The following BMPR1A variants were observed in gnomAD, a reference collection of about 807,000 sequenced individuals.
BMPR1A encodes the protein bone morphogenetic protein receptor type-1A.
BMPR1A carries 7 observed loss-of-function variants against 66.0 expected under a neutral mutation model. The observed-to-expected ratio is 0.11, with a 90% CI of 0.06 to 0.20. The LOEUF (loss-of-function observed/expected upper bound fraction) is 0.20, where lower values mean the gene tolerates loss of function less well. BMPR1A is among the 10% of genes least tolerant of loss of function. The pLI, the probability that BMPR1A is intolerant of heterozygous loss-of-function variation, is 1.00. For synonymous variants in BMPR1A, 200 were observed against 229.7 expected (o/e 0.87, Z 1.17); for missense variants, 408 against 669.1 (o/e 0.61, Z 4.31).
At chr10:86,897,030 G>A (rs1843233133) in intron 5 of BMPR1A, among the ~76,000 whole-genome samples, 3 of 152,164 alleles carry the variant, frequency 2.0e-5, no homozygotes, top group Admixed American at 6.5e-5. Flanking sequence ...CAGGCCTCGC[G>A]TTCTTCCACT....
intron 8 of BMPR1A, among the ~76,000 whole-genome samples, chr10:86,916,025 G>C (rs573996050): frequency 8.7e-4 from 133 of 152,316 alleles, no homozygotes; most frequent in Non-Finnish European, 1.5e-3. Context: ...TTATGATTGT[G>C]TTAAGCGCAG....
chr10:86,873,146 A>G (rs1171295268), intron 2 of BMPR1A, among the ~76,000 whole-genome samples: 1 of 152,196 alleles, frequency 6.6e-6, no homozygotes, highest in East Asian at 1.9e-4. Flanking sequence ...TTAGCTTTAA[A>G]TAAACCAATG....
chr10:86,915,025 G>T (rs1163437359), intron 8 of BMPR1A, among the ~76,000 whole-genome samples: 1 of 152,192 alleles, frequency 6.6e-6, no homozygotes, highest in Non-Finnish European at 1.5e-5. Flanking sequence ...TTACTCATCA[G>T]TAAAAAGGAA....
At chr10:86,932,278 ATT>A (rs1843819047), downstream of BMPR1A, 2 of 152,248 alleles carry the variant, frequency 1.3e-5, no homozygotes, top group Non-Finnish European at 2.9e-5. Flanking sequence ...ATTATGTACA[ATT>A]ATCAGAACCA....
intron 1 of BMPR1A, among the ~76,000 whole-genome samples, chr10:86,768,888 G>T (rs372021683): frequency 1.8e-4 from 28 of 151,382 alleles, no homozygotes; most frequent in African/African-American, 6.6e-4. Context: ...CTACTGTGAG[G>T]ACTAAATGAA....
Position 86,925,719 on chromosome 10 carries a change from A to ATATTTTTTT in BMPR1A, c.*2001_*2002insATTTTTTTT. On this transcript the variant is annotated 3_prime_UTR_variant, in exon 13 of 13. Transcript: ENST00000372037. ...ACCATAATCTTTAAAATCATTTGTC[A>ATATTTTTTT]TCTTTTTTTTTTTTTTTTTGAGACG... The ATATTTTTTT allele has an allele frequency of 8.1e-6, 1 of 123,288 alleles. No individual in the cohort carries two copies. Among genetic ancestry groups the ATATTTTTTT allele is most frequent in the East Asian group, 2.2e-4 (1 of 4,476 alleles). 7.6% of individuals were successfully genotyped at this position (123,288 alleles called of 1,614,324 possible).
intron 1 of BMPR1A, among the ~76,000 whole-genome samples, chr10:86,806,720 T>A (rs1280871277): frequency 6.7e-6 from 1 of 148,966 alleles, no homozygotes; most frequent in Non-Finnish European, 1.5e-5. Context: ...CCTGACGAAA[T>A]TTTTTTTTTT....
chr10:86,805,450 A>G (rs1463955958), intron 1 of BMPR1A, among the ~76,000 whole-genome samples: 1 of 125,542 alleles, frequency 8.0e-6, no homozygotes, highest in Non-Finnish European at 1.7e-5. Flanking sequence ...TACCCTTACT[A>G]TTTCAGTTTC....
At chr10:86,791,846 C>T (rs1841629711) in intron 1 of BMPR1A, among the ~76,000 whole-genome samples, 3 of 148,780 alleles carry the variant, frequency 2.0e-5, no homozygotes, top group South Asian at 2.2e-4. Flanking sequence ...TCAGCCTTCC[C>T]GAGTAGCTGG....
intron 8 of BMPR1A, among the ~76,000 whole-genome samples, chr10:86,913,019 T>C (rs769667676): frequency 5.9e-5 from 9 of 152,202 alleles, no homozygotes; most frequent in Non-Finnish European, 8.8e-5. Flanking sequence ...GGAACTCTTA[T>C]TTGAGAGGAC....
chr10:86,866,599 A>T (rs1162673741), intron 2 of BMPR1A, among the ~76,000 whole-genome samples: 1 of 151,152 alleles, frequency 6.6e-6, no homozygotes, highest in African/African-American at 2.4e-5. Flanking sequence ...TAGTAGAGAC[A>T]GGGTTTTACT....
At chr10:86,826,207 G>C (rs1842191781) in intron 1 of BMPR1A, among the ~76,000 whole-genome samples, 1 of 151,936 alleles carries the variant, frequency 6.6e-6, no homozygotes, top group African/African-American at 2.4e-5. Flanking sequence ...TCTTCCTGAA[G>C]AGTTACATTA....
At chr10:86,867,408 T>C (rs1401957369) in intron 2 of BMPR1A, among the ~76,000 whole-genome samples, 1 of 152,226 alleles carries the variant, frequency 6.6e-6, no homozygotes, top group Non-Finnish European at 1.5e-5. Flanking sequence ...CCCTCTCCCT[T>C]TCCAGACAGT....
At chr10:86,784,763 A>G (rs921677696) in intron 1 of BMPR1A, among the ~76,000 whole-genome samples, 16 of 151,896 alleles carry the variant, frequency 1.1e-4, no homozygotes, top group African/African-American at 3.6e-4. Flanking sequence ...TAATTCATCC[A>G]TTTCTTCTAG....
intron 1 of BMPR1A, among the ~76,000 whole-genome samples, chr10:86,781,990 C>T (rs890918497): frequency 6.6e-6 from 1 of 151,432 alleles, no homozygotes; most frequent in African/African-American, 2.4e-5. Flanking sequence ...CCTCAGCCTC[C>T]TAAGTAGCTG....
At chr10:86,767,461 T>C (rs1841184692) in intron 1 of BMPR1A, among the ~76,000 whole-genome samples, 1 of 152,152 alleles carries the variant, frequency 6.6e-6, no homozygotes, top group Non-Finnish European at 1.5e-5. Flanking sequence ...GGAGGATCAC[T>C]TGAGCCTAGG....
At chr10:86,919,067 A>G in intron 9 of BMPR1A, 105 bp from the exon 10 acceptor site, 2 of 1,280,434 alleles carry the variant, frequency 1.6e-6, no homozygotes, top group Non-Finnish European at 2.3e-6. Context: ...AAGTTTCACT[A>G]TCTGCACATG....
At position 86,900,101 on chromosome 10, in the gene BMPR1A, A is replaced by G. The variant is rs878854668; in HGVS notation, c.505A>G (p.Ile169Val). 2 of 1,613,920 alleles carry G rather than the reference A, an allele frequency of 1.2e-6. No individual in the cohort carries two copies. The highest frequency in any genetic ancestry group is 1.7e-5 in the Admixed American group (1 of 60,022). The stretch of plus-strand genomic sequence containing the variant: ...GGCTGTCTGCATAATTGCTATGATC[A>G]TCTTCTCCAGCTGCTTTTGTTACAA... ...SMAVCIIAMIIFSSCFCYKHY... is the reference protein window; with the variant it reads ...SMAVCIIAMIVFSSCFCYKHY... Residue 169 changes from isoleucine to valine, a missense_variant, in exon 7 of 13, where the codon ATC becomes GTC. Physicochemically the swap from Ile to Val is conservative, Grantham distance 29 (BLOSUM62 3). Transcript: ENST00000372037.
chr10:86,841,798 G>A (rs893033676), intron 2 of BMPR1A, among the ~76,000 whole-genome samples: 3 of 152,108 alleles, frequency 2.0e-5, no homozygotes, highest in African/African-American at 2.4e-5. Context: ...ATTTAGGGAG[G>A]GGAGAAGGGC....
Sources: allele counts gnomAD v4.1 joint callset (sites outside exome capture counted in the v4.1 genomes callset), GRCh38; gene constraint gnomAD v4.1.1; transcripts MANE v1.5; gene names NCBI Gene and HGNC (gene_info 2026-07-23, HGNC 2026-07-21).